The following ADGRV1 variants were observed in gnomAD, a reference collection of about 807,000 sequenced individuals.
ADGRV1 encodes adhesion G protein-coupled receptor V1, also known as G-protein coupled receptor 98.
Under a neutral mutation model 596.2 loss-of-function variants are expected in ADGRV1, and 359 were observed. That is an observed-to-expected ratio of 0.60 (90% CI 0.55 to 0.66). The LOEUF is 0.66. Among genes scored for constraint, ADGRV1 ranks in the 30% least tolerant of loss-of-function variants. The probability of loss-of-function intolerance (pLI) is 0.00; values close to 1 mark genes in which losing one functional copy is unlikely to be tolerated. For synonymous variants in ADGRV1, 2,681 were observed against 2,679.2 expected (o/e 1.00, Z -0.02); for missense variants, 7,274 against 7,575.6 (o/e 0.96, Z 1.48).
chr5:90,688,743 A>G (rs952013922), intron 29 of ADGRV1, among the ~76,000 whole-genome samples: 1 of 152,182 alleles, frequency 6.6e-6, no homozygotes, highest in Non-Finnish European at 1.5e-5. Flanking sequence ...TGAAAAGTAA[A>G]CTGAGGAAAA....
intron 84 of ADGRV1, among the ~76,000 whole-genome samples, chr5:90,981,519 C>G (rs1053243983): frequency 1.3e-5 from 2 of 152,048 alleles, no homozygotes; most frequent in Non-Finnish European, 2.9e-5. Flanking sequence ...CTCCCACATC[C>G]TAAAGCTGTG....
At position 90,866,699 on chromosome 5, in the gene ADGRV1, C is replaced by T. The variant is rs969317109; in HGVS notation, c.17856+2842C>T. ...CAAATGTACCATAAGAAAGATTGTA[C>T]TCCACTGGCTTTGAATATATCTTTC... is the stretch of plus-strand genomic sequence containing the variant. On this transcript the variant is annotated intron_variant, in intron 83 of 89. Coordinates refer to ENST00000405460, the MANE Select transcript of ADGRV1 (RefSeq NM_032119.4). 6.6e-5 allele frequency among the ~76,000 whole-genome samples: 10 copies of T among 151,948 alleles called. 1 individual carries two copies. Among genetic ancestry groups the T allele is most frequent in the Admixed American group, 6.6e-4 (10 of 15,216 alleles).
intron 79 of ADGRV1, among the ~76,000 whole-genome samples, chr5:90,852,805 C>T (rs1314147443): frequency 6.6e-6 from 1 of 152,118 alleles, no homozygotes; most frequent in South Asian, 2.1e-4. Flanking sequence ...ATTAGGCAGG[C>T]TCTGGTGGAT....
At chr5:90,792,993 A>C (rs1447853204) in intron 70 of ADGRV1, 1 of 152,228 alleles carries the variant, frequency 6.6e-6, no homozygotes, top group Non-Finnish European at 1.5e-5. Context: ...AGATATGGGG[A>C]GAATGTGCAG....
chr5:90,828,600 T>C (rs947063455), intron 76 of ADGRV1, among the ~76,000 whole-genome samples: 1 of 152,196 alleles, frequency 6.6e-6, no homozygotes, highest in Non-Finnish European at 1.5e-5. Flanking sequence ...TTAAAAAACA[T>C]TGAATTAGTT....
chr5:90,831,992 G>A (rs1458702205), intron 77 of ADGRV1, among the ~76,000 whole-genome samples: 1 of 152,104 alleles, frequency 6.6e-6, no homozygotes, highest in South Asian at 2.1e-4. Context: ...TGGACACTTT[G>A]GTTGGTTCCA....
chr5:90,893,750 C>T (rs1288208381), intron 83 of ADGRV1, among the ~76,000 whole-genome samples: 1 of 152,126 alleles, frequency 6.6e-6, no homozygotes, highest in Non-Finnish European at 1.5e-5. Flanking sequence ...ATCTTATTTA[C>T]TCATAAGGAT....
intron 78 of ADGRV1, among the ~76,000 whole-genome samples, chr5:90,842,470 C>T (rs1216657798): frequency 5.9e-5 from 9 of 151,914 alleles, no homozygotes; most frequent in Non-Finnish European, 5.9e-5. Context: ...CCAGCGGAGG[C>T]GGGATTGGGA....
chr5:90,743,381 C>T (rs770011899), intron 50 of ADGRV1, among the ~76,000 whole-genome samples: 6 of 151,698 alleles, frequency 4.0e-5, no homozygotes. Context: ...TGGGGCTTTC[C>T]GTTGTAACCT....
intron 70 of ADGRV1, among the ~76,000 whole-genome samples, chr5:90,801,600 C>G (rs1213782621): frequency 6.6e-6 from 1 of 151,760 alleles, no homozygotes; most frequent in African/African-American, 2.4e-5. Flanking sequence ...AATAAAACAC[C>G]TGTTACCCTC....
chr5:90,754,911 A>G (rs1164889107), intron 54 of ADGRV1, 72 bp from the exon 55 acceptor site: 9 of 1,059,924 alleles, frequency 8.5e-6, no homozygotes, highest in African/African-American at 3.1e-5. Context: ...AGAGTGTTCC[A>G]CTCTAGGTCC....
At chr5:90,955,464 C>A (rs190812499) in intron 83 of ADGRV1, among the ~76,000 whole-genome samples, 2 of 152,250 alleles carry the variant, frequency 1.3e-5, no homozygotes, top group Admixed American at 6.5e-5. Context: ...AAATAACCCC[C>A]AACCTGAAAT....
In ADGRV1 at chr5:90,823,612, A is replaced by C; in HGVS notation, c.16368+16A>C. ...ACCAGAAAAGGTAAGAAATGAAGAG[A>C]CACACTAGTGTCAACTTCTAATTAT... On this transcript the variant is annotated intron_variant, in intron 76 of 89. Coordinates refer to ENST00000405460, the MANE Select transcript of ADGRV1 (RefSeq NM_032119.4). 6.2e-7 allele frequency: 1 copy of C among 1,603,470 alleles called. No homozygotes were observed. Among genetic ancestry groups the C allele is most frequent in the Non-Finnish European group, 8.5e-7 (1 of 1,171,102 alleles).
chr5:90,808,277 G>T (rs755950413), intron 73 of ADGRV1, among the ~76,000 whole-genome samples: 9 of 152,048 alleles, frequency 5.9e-5, no homozygotes, highest in Non-Finnish European at 1.3e-4. Flanking sequence ...GGATAGACTC[G>T]ACCAGAGCAG....
intron 4 of ADGRV1, among the ~76,000 whole-genome samples, chr5:90,620,673 A>G (rs1580477374): frequency 6.6e-6 from 1 of 152,114 alleles, no homozygotes; most frequent in South Asian, 2.1e-4. Flanking sequence ...GTCCTTGCCC[A>G]TGCCTATGTC....
intron 78 of ADGRV1, 30 bp downstream of exon 78, chr5:90,841,015 T>G (rs759454682): frequency 1.4e-6 from 2 of 1,400,936 alleles, no homozygotes; most frequent in East Asian, 2.4e-5. Flanking sequence ...AGTAATTTGT[T>G]TAGTGAAATT....
intron 85 of ADGRV1, among the ~76,000 whole-genome samples, chr5:91,020,405 T>C (rs1176433756): frequency 6.6e-6 from 1 of 152,104 alleles, no homozygotes; most frequent in East Asian, 1.9e-4. Flanking sequence ...CTTTTCATTT[T>C]AGAAAGTACT....
At chr5:90,812,632 TCA>T (rs1165185557) in intron 74 of ADGRV1, among the ~76,000 whole-genome samples, 1 of 152,210 alleles carries the variant, frequency 6.6e-6, no homozygotes, top group Non-Finnish European at 1.5e-5. Context: ...CAGTTTTAAT[TCA>T]GTCATAATTT....
Position 90,783,994 on chromosome 5 carries a change from C to A in ADGRV1, c.13590C>A (p.Pro4530=), listed in dbSNP as rs41311745. Residue 4530 remains proline (P), a synonymous_variant, in exon 67 of 90, where the codon CCC becomes CCA. Transcript: ENST00000405460. ...AAAGCAAAATTTCTATTGCTAATCC[C>A]AATTCCACAATGATTTTATCACTGG... is the stretch of plus-strand genomic sequence containing the variant. The part of the protein sequence containing the change: ...LNQSKISIAN[P]NSTMILSLVL... 99 of 1,612,700 alleles carry A rather than the reference C, an allele frequency of 6.1e-5. No homozygotes were observed. In the African/African-American group the frequency reaches 6.3e-4, roughly 10 times the overall value.
Sources: allele counts gnomAD v4.1 joint callset (sites outside exome capture counted in the v4.1 genomes callset), GRCh38; gene constraint gnomAD v4.1.1; transcripts MANE v1.5; gene names NCBI Gene and HGNC (gene_info 2026-07-23, HGNC 2026-07-21).